The following SEMA3E variants were observed in gnomAD, a reference collection of about 807,000 sequenced individuals.
SEMA3E encodes the protein semaphorin-3E.
A neutral mutation model predicts 93.6 loss-of-function variants in SEMA3E; 49 were observed. That is an observed-to-expected ratio of 0.52 (90% confidence interval 0.42 to 0.66). The LOEUF (loss-of-function observed/expected upper bound fraction) is 0.66, where lower values mean the gene tolerates loss of function less well. Among genes scored for constraint, SEMA3E ranks in the 30% least tolerant of loss-of-function variants. The pLI is 0.00. For synonymous variants in SEMA3E, 363 were observed against 330.7 expected, an observed-to-expected ratio of 1.10 and a Z score of -1.06; for missense variants, 906 against 964.8, an observed-to-expected ratio of 0.94 and a Z score of 0.81.
intron 1 of SEMA3E, among the ~76,000 whole-genome samples, chr7:83,647,874 A>C (rs187577513): frequency 6.6e-6 from 1 of 152,230 alleles, no homozygotes; most frequent in African/African-American, 2.4e-5. Context: ...AATTTATATT[A>C]GTTGTTAATC....
At chr7:83,517,955 G>A (rs1790966308) in intron 1 of SEMA3E, among the ~76,000 whole-genome samples, 1 of 152,154 alleles carries the variant, frequency 6.6e-6, no homozygotes, top group African/African-American at 2.4e-5. Context: ...GCCTCTGGGT[G>A]AGAAAAGTAA....
intron 4 of SEMA3E, among the ~76,000 whole-genome samples, chr7:83,454,693 T>C (rs1305035840): frequency 6.6e-6 from 1 of 152,234 alleles, no homozygotes; most frequent in Non-Finnish European, 1.5e-5. Context: ...ATTTGTAGCA[T>C]GTATGCTTTA....
rs56162410 is a variant in SEMA3E, at chr7:83,569,199, G to A, written c.116-78925C>T. 1.4e-3 allele frequency among the ~76,000 whole-genome samples: 208 copies of A among 151,498 alleles called. 1 individual carries two copies. The highest frequency in any genetic ancestry group is 6.9e-3 in the Middle Eastern group (2 of 290). On this transcript the variant is annotated intron_variant, in intron 1 of 16. Coordinates refer to ENST00000643230, the MANE Select transcript of SEMA3E (RefSeq NM_012431.3). The stretch of plus-strand genomic sequence containing the variant: ...CCTAAGGGGTAAAAGATCTCTACAA[G>A]GAAAATTACAAAACACTGATGAAAG...
At position 83,467,909 on chromosome 7, in the gene SEMA3E, TTACAA is replaced by T. The variant is rs1274611112; in HGVS notation, c.337-1313_337-1309del. ...AGTATACTGAATTTAAAAAAATAGT[TTACAA>T]TAGCTTTCAAAATCAACTTGGCTAA... On this transcript the variant is annotated intron_variant, in intron 3 of 16. Transcript: ENST00000643230. 3.0e-4 allele frequency among the ~76,000 whole-genome samples: 3 copies of T among 10,112 alleles called. No homozygotes were observed. In the Non-Finnish European group the frequency reaches 7.2e-3, roughly 24 times the overall value. The allele number at this position is 10,112 out of a possible 152,430, so 6.6% of individuals were successfully genotyped here.
At chr7:83,436,402 G>C in intron 4 of SEMA3E, among the ~76,000 whole-genome samples, 1 of 151,418 alleles carries the variant, frequency 6.6e-6, no homozygotes. Context: ...AACTCAAGTG[G>C]CAGATAAGAA....
intron 4 of SEMA3E, among the ~76,000 whole-genome samples, chr7:83,453,499 GACAAA>G (rs1266787963): frequency 6.9e-6 from 1 of 144,082 alleles, no homozygotes; most frequent in Non-Finnish European, 1.5e-5. Context: ...TCTAGCAAAA[GACAAA>G]ACAAAAGAAA....
chr7:83,395,524 CA>C (rs985196445), intron 12 of SEMA3E, among the ~76,000 whole-genome samples: 50 of 152,076 alleles, frequency 3.3e-4, no homozygotes, highest in Non-Finnish European at 8.8e-5. Context: ...CTCAGAGTAG[CA>C]AAAAACTTGA....
intron 1 of SEMA3E, among the ~76,000 whole-genome samples, chr7:83,521,119 C>A: frequency 6.6e-6 from 1 of 151,276 alleles, no homozygotes; most frequent in Non-Finnish European, 1.5e-5. Context: ...TGTATAGATG[C>A]ACAAAATGTT....
At chr7:83,611,216 A>G (rs1220281907) in intron 1 of SEMA3E, among the ~76,000 whole-genome samples, 2 of 147,552 alleles carry the variant, frequency 1.4e-5, no homozygotes, top group Non-Finnish European at 3.0e-5. Flanking sequence ...TTGCATCATC[A>G]AATTTTTCCG....
At position 83,534,279 on chromosome 7, in the gene SEMA3E, G is replaced by T. The variant is rs907386133; in HGVS notation, c.116-44005C>A. The stretch of plus-strand genomic sequence containing the variant: ...GCCAATTACGTCTGTTGGGAGCAAG[G>T]CTCAGGCATTAGGATTTTTTTGAAG... On this transcript the variant is annotated intron_variant, in intron 1 of 16. Coordinates refer to ENST00000643230, the MANE Select transcript of SEMA3E (RefSeq NM_012431.3). 3.3e-5 allele frequency among the ~76,000 whole-genome samples: 5 copies of T among 152,190 alleles called. No individual in the cohort carries two copies. The East Asian group carries it at 5.8e-4, about 18-fold the overall frequency.
At chr7:83,498,756 G>A (rs894927836) in intron 1 of SEMA3E, among the ~76,000 whole-genome samples, 8 of 152,140 alleles carry the variant, frequency 5.3e-5, no homozygotes, top group Admixed American at 5.2e-4. Context: ...TGGGATTACA[G>A]GTGTGAGCCA....
intron 1 of SEMA3E, among the ~76,000 whole-genome samples, chr7:83,551,940 A>G (rs1791774685): frequency 6.6e-6 from 1 of 151,002 alleles, no homozygotes; most frequent in Non-Finnish European, 1.5e-5. Flanking sequence ...TATTAGACGC[A>G]CTCTAACATC....
chr7:83,593,289 TG>T, intron 1 of SEMA3E, among the ~76,000 whole-genome samples: 1 of 24,260 alleles, frequency 4.1e-5, no homozygotes, highest in Middle Eastern at 0.042. Flanking sequence ...TCTCTCTGTG[TG>T]TGTGTGTGTG....
intron 2 of SEMA3E, among the ~76,000 whole-genome samples, chr7:83,484,014 C>T (rs1288025470): frequency 1.3e-5 from 2 of 152,122 alleles, no homozygotes; most frequent in Non-Finnish European, 2.9e-5. Flanking sequence ...CCCCACCTTT[C>T]CAAGACCTCA....
intron 1 of SEMA3E, among the ~76,000 whole-genome samples, chr7:83,614,661 GC>G (rs1793328956): frequency 6.6e-6 from 1 of 152,104 alleles, no homozygotes. Context: ...TGCTTAGCAA[GC>G]AACCTTGGGA....
intron 1 of SEMA3E, among the ~76,000 whole-genome samples, chr7:83,576,526 C>T (rs1218649277): frequency 6.6e-6 from 1 of 151,952 alleles, no homozygotes. Context: ...AGTCAGTTTG[C>T]CATGCAAATG....
At chr7:83,486,036 G>A (rs1234335489) in intron 2 of SEMA3E, among the ~76,000 whole-genome samples, 1 of 151,398 alleles carries the variant, frequency 6.6e-6, no homozygotes, top group Non-Finnish European at 1.5e-5. Context: ...CATGGTTAAT[G>A]GTGTGTGTGT....
intron 1 of SEMA3E, among the ~76,000 whole-genome samples, chr7:83,561,259 G>A (rs553512590): frequency 2.6e-3 from 396 of 152,128 alleles, no homozygotes; most frequent in Non-Finnish European, 3.8e-3. Flanking sequence ...TCTGTTTTAA[G>A]TGAGATTTAA....
chr7:83,516,338 T>G (rs73707873), intron 1 of SEMA3E, among the ~76,000 whole-genome samples: 333 of 152,344 alleles, frequency 2.2e-3, no homozygotes, highest in African/African-American at 7.5e-3. Context: ...GTTTAAAATA[T>G]AATTTGACAA....
Sources: allele counts gnomAD v4.1 joint callset (sites outside exome capture counted in the v4.1 genomes callset), GRCh38; gene constraint gnomAD v4.1.1; transcripts MANE v1.5; gene names NCBI Gene and HGNC (gene_info 2026-07-23, HGNC 2026-07-21).